The following KCNK9 variants were observed in gnomAD, a reference collection of about 807,000 sequenced individuals.
KCNK9 encodes the protein potassium channel subfamily K member 9.
KCNK9 carries 1 observed loss-of-function variant against 10.8 expected under a neutral mutation model. The observed-to-expected ratio is 0.09, with a 90% CI of 0.03 to 0.44. The LOEUF (loss-of-function observed/expected upper bound fraction) is 0.44. KCNK9 is among the 20% of genes least tolerant of loss of function. KCNK9 has a pLI of 0.97. For missense variants in KCNK9, 303 were observed against 515.0 expected, an observed-to-expected ratio of 0.59 and a Z score of 3.98; for synonymous variants, 231 against 222.7, an observed-to-expected ratio of 1.04 and a Z score of -0.33.
downstream of KCNK9, among the ~76,000 whole-genome samples, chr8:139,614,350 G>A (rs1254623680): frequency 2.0e-5 from 3 of 152,178 alleles, no homozygotes; most frequent in Admixed American, 2.0e-4. Flanking sequence ...GGAGGCTTTT[G>A]TGGACAGTGG....
chr8:139,609,240 CCCCCCA>C (rs1814338873), downstream of KCNK9, among the ~76,000 whole-genome samples: 2 of 75,458 alleles, frequency 2.7e-5, 1 homozygote, highest in African/African-American at 1.2e-4. Context: ...GGTGCTCTGC[CCCCCCA>C]CCCCCCCCCC....
intron 2 of KCNK9, among the ~76,000 whole-genome samples, chr8:139,604,066 G>T (rs1352396715): frequency 6.6e-6 from 1 of 152,220 alleles, no homozygotes; most frequent in Admixed American, 6.5e-5. Flanking sequence ...TTCAGGGCCA[G>T]TGCAGGCCGT....
At chr8:139,673,642 GA>G (rs922158235) in intron 1 of KCNK9, among the ~76,000 whole-genome samples, 7 of 151,900 alleles carry the variant, frequency 4.6e-5, no homozygotes, top group African/African-American at 1.7e-4. Flanking sequence ...ACTGCAAAGA[GA>G]AAGAAAATGT....
Position 139,702,163 on chromosome 8 carries a change from G to T in KCNK9, c.283+547C>A, listed in dbSNP as rs1270366614. Among the ~76,000 whole-genome samples, 1 of 152,164 alleles carries T rather than the reference G, an allele frequency of 6.6e-6. No individual in the cohort carries two copies. On this transcript the variant is annotated intron_variant, in intron 1 of 1. Coordinates refer to ENST00000520439, the MANE Select transcript of KCNK9 (RefSeq NM_001282534.2). This position sits in a 1 kb window ranked among gnomAD's most constrained non-coding sequence, Gnocchi z 7.5. ...AGGGGAAAAAAGGAGCCGGGCGGGGGGAAGAGAGATGAAATCTGAGCTCAG... is the reference window on the plus strand; with the variant it reads ...AGGGGAAAAAAGGAGCCGGGCGGGGTGAAGAGAGATGAAATCTGAGCTCAG...
intron 1 of KCNK9, among the ~76,000 whole-genome samples, chr8:139,624,122 C>G (rs1402557407): frequency 6.6e-6 from 1 of 152,224 alleles, no homozygotes; most frequent in African/African-American, 2.4e-5. Context: ...GTACAAAGCC[C>G]CTGCACACAA....
downstream of KCNK9, among the ~76,000 whole-genome samples, chr8:139,612,871 C>A (rs1050213065): frequency 6.6e-6 from 1 of 152,014 alleles, no homozygotes; most frequent in Non-Finnish European, 1.5e-5. Context: ...TTCTATAAGA[C>A]CCTGGCCAGG....
intron 1 of KCNK9, among the ~76,000 whole-genome samples, chr8:139,667,999 T>C (rs1244955711): frequency 1.3e-5 from 2 of 152,236 alleles, no homozygotes; most frequent in Non-Finnish European, 2.9e-5. Flanking sequence ...ACTTTGCAGA[T>C]ACTGTGTTTC....
At chr8:139,657,344 T>C (rs1563738484) in intron 1 of KCNK9, among the ~76,000 whole-genome samples, 1 of 152,230 alleles carries the variant, frequency 6.6e-6, no homozygotes, top group East Asian at 1.9e-4. Context: ...ATCCAGAACA[T>C]TAGTCACAGA....
At chr8:139,632,791 G>C (rs557829611) in intron 1 of KCNK9, among the ~76,000 whole-genome samples, 105 of 152,340 alleles carry the variant, frequency 6.9e-4, no homozygotes, top group Admixed American at 2.1e-3. Flanking sequence ...CCGAGAAACA[G>C]TGGCTGTGAT....
chr8:139,649,150 G>A (rs551323384), intron 1 of KCNK9, among the ~76,000 whole-genome samples: 55 of 152,202 alleles, frequency 3.6e-4, no homozygotes, highest in African/African-American at 1.3e-3. Flanking sequence ...AACTACAGAC[G>A]GGCCAGAATT....
intron 1 of KCNK9, among the ~76,000 whole-genome samples, chr8:139,642,500 T>C (rs1175282833): frequency 4.6e-5 from 7 of 152,248 alleles, no homozygotes; most frequent in Admixed American, 4.6e-4. Flanking sequence ...TGCTTCTGCC[T>C]GGCAAGGGGA....
intron 1 of KCNK9, among the ~76,000 whole-genome samples, chr8:139,619,317 G>C (rs1814704958): frequency 6.6e-6 from 1 of 152,108 alleles, no homozygotes; most frequent in Non-Finnish European, 1.5e-5. Flanking sequence ...GGGGATGGCA[G>C]GGGGGTAGGA....
chr8:139,633,875 CG>C (rs1815252564), intron 1 of KCNK9, among the ~76,000 whole-genome samples: 1 of 152,244 alleles, frequency 6.6e-6, no homozygotes, highest in Admixed American at 6.5e-5. Flanking sequence ...TCCCTAAAGG[CG>C]GGGGCCTCTC....
chr8:139,649,408 A>G (rs573504614), intron 1 of KCNK9, among the ~76,000 whole-genome samples: 1 of 152,070 alleles, frequency 6.6e-6, no homozygotes, highest in East Asian at 1.9e-4. Context: ...AGAATGAGGA[A>G]GGACTTAGCA....
chr8:139,677,548 TG>T (rs2129752460), intron 1 of KCNK9, among the ~76,000 whole-genome samples: 1 of 151,266 alleles, frequency 6.6e-6, no homozygotes, highest in East Asian at 1.9e-4. Flanking sequence ...GGTGAGAAAG[TG>T]GATTGGACAC....
chr8:139,675,916 T>C (rs1393737513), intron 1 of KCNK9, among the ~76,000 whole-genome samples: 3 of 152,154 alleles, frequency 2.0e-5, no homozygotes, highest in Non-Finnish European at 4.4e-5. Context: ...TGCACTTAGG[T>C]AGGATCATGT....
intron 1 of KCNK9, among the ~76,000 whole-genome samples, chr8:139,644,722 C>CT (rs893939575): frequency 3.5e-5 from 5 of 144,836 alleles, no homozygotes; most frequent in South Asian, 2.2e-4. Context: ...CTGTCCCCCC[C>CT]CCCCAGAGCC....
chr8:139,645,432 G>A (rs75929159), intron 1 of KCNK9, among the ~76,000 whole-genome samples: 1,718 of 152,258 alleles, frequency 0.011, 41 homozygotes, highest in African/African-American at 0.04. Context: ...CAGGTAGGGA[G>A]GAGAGGAAGT....
intron 1 of KCNK9, among the ~76,000 whole-genome samples, chr8:139,696,710 G>T (rs987367022): frequency 2.1e-5 from 3 of 140,294 alleles, no homozygotes; most frequent in Admixed American, 7.5e-5. Context: ...TGGATGGATG[G>T]ATGGATGAGT....
Sources: gnomAD v4.1 joint callset for allele counts (sites outside exome capture counted in the v4.1 genomes callset) on GRCh38, gnomAD v4.1.1 for gene constraint, Gnocchi (gnomAD v3.1) non-coding constraint, MANE v1.5 for transcripts, NCBI Gene and HGNC (gene_info 2026-07-23, HGNC 2026-07-21) for gene names.